The following TMEM117 variants were observed in gnomAD, a reference collection of about 807,000 sequenced individuals.
TMEM117 encodes the protein transmembrane protein 117.
In TMEM117, 27 loss-of-function variants were observed where a neutral mutation model predicts 52.4. That is an observed-to-expected ratio of 0.51 (90% CI 0.38 to 0.71). The LOEUF (loss-of-function observed/expected upper bound fraction) is 0.71. TMEM117 is among the 30% of genes least tolerant of loss of function. The pLI is 0.00. For missense variants in TMEM117, 556 were observed against 630.5 expected (o/e 0.88, Z 1.26); for synonymous variants, 215 against 206.3 (o/e 1.04, Z -0.36).
intron 6 of TMEM117, among the ~76,000 whole-genome samples, chr12:44,373,684 A>G (rs1951896316): frequency 6.6e-6 from 1 of 151,396 alleles, no homozygotes; most frequent in East Asian, 1.9e-4. Flanking sequence ...ACTGGAACCT[A>G]GATAGATTCA....
chr12:44,083,043 G>A (rs893037931), intron 3 of TMEM117, among the ~76,000 whole-genome samples: 4 of 152,006 alleles, frequency 2.6e-5, no homozygotes, highest in African/African-American at 9.7e-5. Context: ...CATTGTGTGA[G>A]TATACCACAA....
At chr12:44,379,070 A>G (rs549748660) in intron 7 of TMEM117, among the ~76,000 whole-genome samples, 2 of 151,932 alleles carry the variant, frequency 1.3e-5, no homozygotes, top group South Asian at 4.2e-4. Flanking sequence ...GGTCACTTGA[A>G]CTCAGGGGTT....
intron 4 of TMEM117, among the ~76,000 whole-genome samples, chr12:44,160,096 T>C (rs556363051): frequency 6.6e-6 from 1 of 152,296 alleles, no homozygotes; most frequent in South Asian, 2.1e-4. Context: ...TGACATTCCC[T>C]GAAGGTATTC....
intron 3 of TMEM117, among the ~76,000 whole-genome samples, chr12:44,011,247 T>C (rs1257700451): frequency 1.3e-5 from 2 of 152,178 alleles, no homozygotes; most frequent in Non-Finnish European, 2.9e-5. Flanking sequence ...ATTCTAAGAC[T>C]TCTAGCGGAT....
the TMEM117 span, among the ~76,000 whole-genome samples, chr12:43,817,957 C>G: frequency 6.6e-6 from 1 of 152,160 alleles, no homozygotes; most frequent in Non-Finnish European, 1.5e-5. Context: ...TCCATGTCCA[C>G]TTTTGACTTC....
At chr12:43,967,214 C>T (rs1014450435) in intron 3 of TMEM117, among the ~76,000 whole-genome samples, 2 of 151,784 alleles carry the variant, frequency 1.3e-5, no homozygotes, top group African/African-American at 2.4e-5. Context: ...ACAGCCTTGA[C>T]CTCCTGCTCA....
At chr12:44,332,650 T>C (rs1951286332) in intron 6 of TMEM117, among the ~76,000 whole-genome samples, 1 of 151,826 alleles carries the variant, frequency 6.6e-6, no homozygotes, top group South Asian at 2.1e-4. Context: ...CTATGAACTT[T>C]TTTTTCAGAG....
At chr12:43,821,255 A>G in the TMEM117 span, among the ~76,000 whole-genome samples, 1 of 152,194 alleles carries the variant, frequency 6.6e-6, no homozygotes. Context: ...TCATGAAGAA[A>G]TCTTCTGCCT....
At chr12:44,255,604 C>T (rs1231938592) in intron 5 of TMEM117, among the ~76,000 whole-genome samples, 1 of 151,934 alleles carries the variant, frequency 6.6e-6, no homozygotes, top group African/African-American at 2.4e-5. Context: ...TAAAAATATC[C>T]ACAATGTAAG....
At chr12:43,987,870 A>C (rs1463785460) in intron 3 of TMEM117, among the ~76,000 whole-genome samples, 1 of 152,116 alleles carries the variant, frequency 6.6e-6, no homozygotes, top group Non-Finnish European at 1.5e-5. Flanking sequence ...AGGAAGTTGA[A>C]AATTAATATT....
intron 6 of TMEM117, among the ~76,000 whole-genome samples, chr12:44,353,191 T>C (rs1951591418): frequency 6.6e-6 from 1 of 152,184 alleles, no homozygotes; most frequent in South Asian, 2.1e-4. Context: ...AGATTCTGGA[T>C]ATTAGCCCTT....
chr12:44,174,232 A>T (rs1592580087), intron 4 of TMEM117, among the ~76,000 whole-genome samples: 1 of 152,166 alleles, frequency 6.6e-6, no homozygotes, highest in Non-Finnish European at 1.5e-5. Context: ...GAGAACTATG[A>T]CCCTTGGGCC....
At chr12:43,960,293 G>T (rs904605457) in intron 3 of TMEM117, among the ~76,000 whole-genome samples, 1 of 151,780 alleles carries the variant, frequency 6.6e-6, no homozygotes, top group South Asian at 2.1e-4. Flanking sequence ...GCCCTGGAGA[G>T]GGGGGTTGAG....
chr12:44,213,126 A>T (rs1377642430), intron 5 of TMEM117, among the ~76,000 whole-genome samples: 1 of 152,152 alleles, frequency 6.6e-6, no homozygotes, highest in Admixed American at 6.6e-5. Flanking sequence ...ATTATAAGAA[A>T]TATTTATTGA....
chr12:44,039,688 A>G (rs1218417080), intron 3 of TMEM117, among the ~76,000 whole-genome samples: 1 of 152,014 alleles, frequency 6.6e-6, no homozygotes, highest in Admixed American at 6.5e-5. Flanking sequence ...CAATTTATTT[A>G]GCTTTATTCC....
In TMEM117 at chr12:44,037,864, G is replaced by A. The variant is rs114394476; in HGVS notation, c.410+93522G>A. Among the ~76,000 whole-genome samples the A allele has an allele frequency of 2.2e-3, 340 of 151,930 alleles. 1 individual carries two copies. The highest frequency in any genetic ancestry group is 7.7e-3 in the African/African-American group (320 of 41,470). ...CTACAGGGTCTCCTCTCTGCTGAGA[G>A]AGGAGCACTCCAGGGTCTCCTCTGC... On this transcript the variant is annotated intron_variant, in intron 3 of 7. Transcript: ENST00000266534.
chr12:44,047,202 C>G (rs902995423), intron 3 of TMEM117, among the ~76,000 whole-genome samples: 14 of 152,186 alleles, frequency 9.2e-5, no homozygotes, highest in African/African-American at 3.1e-4. Flanking sequence ...TATTAGATAT[C>G]TGCTAAATGC....
chr12:43,845,026 AT>A, intron 2 of TMEM117, 98 bp downstream of exon 2: 1 of 1,420,112 alleles, frequency 7.0e-7, no homozygotes, highest in Non-Finnish European at 9.5e-7. Context: ...TGTAGGAGGC[AT>A]TTTAGTTTGT....
intron 4 of TMEM117, among the ~76,000 whole-genome samples, chr12:44,173,887 C>T: frequency 6.6e-6 from 1 of 151,838 alleles, no homozygotes; most frequent in African/African-American, 2.4e-5. Flanking sequence ...ACCTTTAATG[C>T]TTATTTTCCC....
Sources: gnomAD v4.1 joint callset for allele counts (sites outside exome capture counted in the v4.1 genomes callset) on GRCh38, gnomAD v4.1.1 for gene constraint, MANE v1.5 for transcripts, NCBI Gene and HGNC (gene_info 2026-07-23, HGNC 2026-07-21) for gene names.